Variants in SLC22A25 observed in about 807,000 individuals in gnomAD.
SLC22A25 encodes the protein solute carrier family 22 member 25.
A neutral mutation model predicts 45.9 loss-of-function variants in SLC22A25; 44 were observed. That is an observed-to-expected ratio of 0.96 (90% CI 0.75 to 1.23). The LOEUF (loss-of-function observed/expected upper bound fraction) is 1.23, where lower values mean the gene tolerates loss of function less well. Among genes scored for constraint, SLC22A25 ranks in the 50% most tolerant of loss-of-function variants. The probability of loss-of-function intolerance (pLI) is 0.00; values close to 1 mark genes in which losing one functional copy is unlikely to be tolerated. For synonymous variants in SLC22A25, 283 were observed against 238.6 expected, an observed-to-expected ratio of 1.19 and a Z score of -1.72; for missense variants, 800 against 666.4, an observed-to-expected ratio of 1.20 and a Z score of -2.21.
intron 9 of SLC22A25, among the ~76,000 whole-genome samples, chr11:63,171,757 C>G (rs919012101): frequency 3.9e-5 from 6 of 152,230 alleles, no homozygotes; most frequent in African/African-American, 1.4e-4. Context: ...AGATTCAATG[C>G]TATTCCTCAA....
Position 63,191,550 on chromosome 11 carries a change from G to C in SLC22A25, c.831-7733C>G, listed in dbSNP as rs565559832. Among the ~76,000 whole-genome samples, 9 of 152,144 alleles carry C rather than the reference G, an allele frequency of 5.9e-5. No individual in the cohort carries two copies. The South Asian group carries it at 1.9e-3, about 32-fold the overall frequency. ...TCATGCTCAGTGCACTGCACCCACT[G>C]TCCTGCACCCACTGTCTGACACTCC... On this transcript the variant is annotated intron_variant, in intron 7 of 11. Transcript: ENST00000306494.
intron 7 of SLC22A25, among the ~76,000 whole-genome samples, chr11:63,193,891 AT>A (rs1272405550): frequency 6.6e-6 from 1 of 152,220 alleles, no homozygotes; most frequent in African/African-American, 2.4e-5. Flanking sequence ...GTTCAAACCC[AT>A]TGCAAGGAAG....
chr11:63,196,535 G>A (rs980795028), intron 7 of SLC22A25, among the ~76,000 whole-genome samples: 4 of 152,088 alleles, frequency 2.6e-5, no homozygotes, highest in Non-Finnish European at 4.4e-5. Context: ...TGCAGAAAAG[G>A]CCTTTGACAA....
At chr11:63,182,475 TA>T (rs1321019333) in intron 8 of SLC22A25, among the ~76,000 whole-genome samples, 12 of 51,736 alleles carry the variant, frequency 2.3e-4, no homozygotes, top group Admixed American at 2.0e-3. Flanking sequence ...AGAATTACAC[TA>T]TATATATATA....
chr11:63,192,311 C>T lies in SLC22A25; in HGVS notation c.831-8494G>A, dbSNP rs2088845396. Among the ~76,000 whole-genome samples the T allele has an allele frequency of 2.0e-5, 3 of 152,136 alleles. No individual in the cohort carries two copies. In the South Asian group the frequency reaches 6.2e-4, roughly 31 times the overall value. The stretch of plus-strand genomic sequence containing the variant: ...GTTGAGGGAGTTCATTACCACCAGA[C>T]CTGTCTTACAAGAGCTCCTGAAAGA... On this transcript the variant is annotated intron_variant, in intron 7 of 11. Coordinates refer to ENST00000306494, the MANE Select transcript of SLC22A25 (RefSeq NM_199352.6).
At position 63,229,345 on chromosome 11, in the gene SLC22A25, C is replaced by G; in HGVS notation, c.308G>C (p.Gly103Ala). The G allele has an allele frequency of 6.2e-7, 1 of 1,613,766 alleles. No homozygotes were observed. The highest frequency in any genetic ancestry group is 8.5e-7 in the Non-Finnish European group (1 of 1,179,818). ...HPQWKLIHLNGTFPNTSEPDT... is the reference protein window; with the variant it reads ...HPQWKLIHLNATFPNTSEPDT... ...TGGCTCACTCGTGTTGGGGAAGGTC[C>G]CATTCAGATGAATGAGCTTCCACTG... Residue 103 changes from glycine (G) to alanine (A), a missense_variant, in exon 4 of 12, where the codon GGG becomes GCG. Physicochemically the swap from Gly to Ala is moderately conservative, Grantham distance 60. Transcript: ENST00000306494.
At chr11:63,193,869 C>T (rs2088903689) in intron 7 of SLC22A25, among the ~76,000 whole-genome samples, 1 of 152,120 alleles carries the variant, frequency 6.6e-6, no homozygotes, top group Admixed American at 6.6e-5. Flanking sequence ...CTTCTCTGAG[C>T]TAAAGGGGGA....
chr11:63,177,906 A>ATATATAATATATATATATAATG (rs1419791428), intron 9 of SLC22A25, among the ~76,000 whole-genome samples: 4 of 144,378 alleles, frequency 2.8e-5, no homozygotes, highest in Middle Eastern at 3.6e-3. Context: ...TATAATGTAT[A>ATATATAATATATATATATAATG]TCCCATTTTC....
At chr11:63,224,177 C>A (rs2089909873) in intron 5 of SLC22A25, among the ~76,000 whole-genome samples, 1 of 152,096 alleles carries the variant, frequency 6.6e-6, no homozygotes, top group Non-Finnish European at 1.5e-5. Context: ...TATCCTCTTG[C>A]TGAATTGACC....
At chr11:63,230,411 T>C (rs1417388220) in intron 3 of SLC22A25, among the ~76,000 whole-genome samples, 6 of 152,210 alleles carry the variant, frequency 3.9e-5, no homozygotes, top group Non-Finnish European at 8.8e-5. Context: ...TGTCAGTATC[T>C]TGAATAATGT....
intron 7 of SLC22A25, among the ~76,000 whole-genome samples, chr11:63,194,889 GCAAAAAAAAAAAAAAAAAAAAAAAA>G (rs1391424720): frequency 1.4e-4 from 2 of 14,288 alleles, no homozygotes; most frequent in Non-Finnish European, 2.8e-4. Context: ...CAAATGGAAA[GCAAAAAAAAAAAAAAAAAAAAAAAA>G]AAAAAAAAAA....
chr11:63,166,201 G>A lies in SLC22A25; in HGVS notation c.1128C>T (p.Asn376=). The change falls in exon 10 of 12, where the codon AAC becomes AAT. Residue 376 remains asparagine (N), a synonymous_variant. Coordinates refer to ENST00000306494, the MANE Select transcript of SLC22A25 (RefSeq NM_199352.6). ...GLTLHLQHLG[N]NVFLLQTLFG... ...AGAGAGTCTGCAACAGGAAAACATT[G>A]TTTCCCAGATGCTGGAGGTGCAAAG... 1.9e-6 allele frequency: 3 copies of A among 1,613,936 alleles called. No individual in the cohort carries two copies. The South Asian group carries it at 3.3e-5, about 18-fold the overall frequency.
chr11:63,186,661 A>C (rs545070475), intron 7 of SLC22A25, among the ~76,000 whole-genome samples: 1 of 152,052 alleles, frequency 6.6e-6, no homozygotes, highest in Non-Finnish European at 1.5e-5. Context: ...TTTCTTCTAC[A>C]GTTTTTATGC....
Position 63,243,536 on chromosome 11 carries a change from C to T in SLC22A25, c.-1098G>A. ...CTCCAGGCTCAAAGAGTCCAGCCCA[C>T]TGACTGCCAAAAAGCTGTGCATTTA... On this transcript the variant is annotated 5_prime_UTR_variant, in exon 1 of 12. In the 5' UTR this introduces an upstream ATG that the reference lacks. Transcript: ENST00000306494. 1 of 763,276 alleles carries T rather than the reference C, an allele frequency of 1.3e-6. No homozygotes were observed. The allele number at this position is 763,276 out of a possible 1,614,324, so 47.3% of individuals were successfully genotyped here. A position where few individuals can be genotyped will look rare whatever the true frequency, so the allele number is the denominator to read the frequency against.
chr11:63,182,143 T>A (rs1424662228), intron 8 of SLC22A25, among the ~76,000 whole-genome samples: 1 of 151,860 alleles, frequency 6.6e-6, no homozygotes, highest in African/African-American at 2.4e-5. Context: ...AATAAAAAAA[T>A]CAAGTTAACA....
chr11:63,201,603 G>T (rs907133463), intron 7 of SLC22A25, among the ~76,000 whole-genome samples: 3 of 152,150 alleles, frequency 2.0e-5, no homozygotes, highest in African/African-American at 7.2e-5. Flanking sequence ...CACAGGAAAA[G>T]ATTTCATGAT....
At chr11:63,195,521 A>T (rs1232489896) in intron 7 of SLC22A25, among the ~76,000 whole-genome samples, 1 of 152,246 alleles carries the variant, frequency 6.6e-6, no homozygotes, top group Non-Finnish European at 1.5e-5. Flanking sequence ...ACATAACAAA[A>T]TGAAGGCAGA....
At chr11:63,232,510 T>C (rs1456398252) in intron 3 of SLC22A25, among the ~76,000 whole-genome samples, 1 of 152,208 alleles carries the variant, frequency 6.6e-6, no homozygotes, top group Non-Finnish European at 1.5e-5. Flanking sequence ...CTGAAATTGG[T>C]TATCAGCTTA....
intron 7 of SLC22A25, among the ~76,000 whole-genome samples, chr11:63,198,832 A>C (rs1293560034): frequency 6.6e-6 from 1 of 152,334 alleles, no homozygotes; most frequent in East Asian, 1.9e-4. Context: ...ATTATGGCAG[A>C]AATCAAGAAA....
Sources: allele counts gnomAD v4.1 joint callset (sites outside exome capture counted in the v4.1 genomes callset), GRCh38; gene constraint gnomAD v4.1.1; transcripts MANE v1.5; gene names NCBI Gene and HGNC (gene_info 2026-07-23, HGNC 2026-07-21).